PRRC2B: variants seen among roughly 807,000 people sequenced by gnomAD.
PRRC2B encodes protein PRRC2B.
In PRRC2B, 68 loss-of-function variants were observed where a neutral mutation model predicts 242.3. The observed-to-expected ratio is 0.28, with a 90% CI of 0.23 to 0.34. PRRC2B has a LOEUF of 0.34. PRRC2B is among the 10% of genes least tolerant of loss of function. PRRC2B has a pLI of 1.00. For missense variants in PRRC2B, 2,835 were observed against 2,954.8 expected (o/e 0.96, Z 0.94); for synonymous variants, 1,228 against 1,173.6 (o/e 1.05, Z -0.95).
At chr9:131,406,213 G>C (rs998452993) in intron 1 of PRRC2B, among the ~76,000 whole-genome samples, 6 of 152,152 alleles carry the variant, frequency 3.9e-5, no homozygotes, top group Admixed American at 3.3e-4. Context: ...ATTTGGACCC[G>C]TAGCGCATTG....
chr9:131,491,376 T>C (rs1163206112), intron 28 of PRRC2B, 49 bp from the exon 29 acceptor site: 5 of 1,516,648 alleles, frequency 3.3e-6, no homozygotes, highest in Non-Finnish European at 4.4e-6. Context: ...GCGTTTGGGG[T>C]TTCTCCATAG....
rs747921963 is a variant in PRRC2B at position 131,482,381 on chromosome 9, A to T, written c.4994A>T (p.Lys1665Met). 4 of 1,583,084 alleles carry T rather than the reference A, an allele frequency of 2.5e-6. No individual in the cohort carries two copies. In the Admixed American group the frequency reaches 7.0e-5, roughly 28 times the overall value. ...TETGSAEQGF[K>M]SSQGDSGVDL... ...TTGTGCTCTGCACAGCAGGGTTTTAAGAGCAGCCAGGGAGATAGTGGCGTT... is the reference window on the plus strand; with the variant it reads ...TTGTGCTCTGCACAGCAGGGTTTTATGAGCAGCCAGGGAGATAGTGGCGTT... Residue 1665 changes from lysine (K) to methionine (M), a missense_variant, in exon 21 of 32, where the codon AAG (lysine) becomes ATG (methionine). Physicochemically the swap from Lys to Met is moderately conservative, Grantham distance 95. Coordinates refer to ENST00000683519, the MANE Select transcript of PRRC2B (RefSeq NM_013318.4). The surrounding 1 kb of genome is among the most constrained non-coding windows in gnomAD (Gnocchi z 5.2).
chr9:131,429,875 G>A (rs868235312), intron 1 of PRRC2B, among the ~76,000 whole-genome samples: 2 of 152,004 alleles, frequency 1.3e-5, no homozygotes, highest in African/African-American at 2.4e-5. Flanking sequence ...TCCACAGATC[G>A]CCTCGGGGTG....
At chr9:131,400,185 A>G (rs1837190618) in intron 1 of PRRC2B, among the ~76,000 whole-genome samples, 1 of 152,102 alleles carries the variant, frequency 6.6e-6, no homozygotes, top group Non-Finnish European at 1.5e-5. Flanking sequence ...CTGGGCTCAA[A>G]TGATCCTTCT....
At chr9:131,433,876 AT>A (rs1248884624) in intron 3 of PRRC2B, among the ~76,000 whole-genome samples, 1 of 152,244 alleles carries the variant, frequency 6.6e-6, no homozygotes, top group Non-Finnish European at 1.5e-5. Flanking sequence ...CTAGATGATT[AT>A]AAAGTAGTAA....
intron 1 of PRRC2B, among the ~76,000 whole-genome samples, chr9:131,382,642 CT>C (rs112213593): frequency 0.017 from 2,505 of 144,242 alleles, 59 homozygotes; most frequent in African/African-American, 0.051. Context: ...GCCCCCATTC[CT>C]TTTTTTTTTT....
intron 10 of PRRC2B, among the ~76,000 whole-genome samples, chr9:131,455,964 T>C (rs754727206): frequency 6.6e-6 from 1 of 151,664 alleles, no homozygotes; most frequent in Non-Finnish European, 1.5e-5. Flanking sequence ...AGTACAAAAA[T>C]TAACCAGGTG....
chr9:131,375,255 C>T (rs1043754487), intron 1 of PRRC2B, among the ~76,000 whole-genome samples: 2 of 151,944 alleles, frequency 1.3e-5, no homozygotes, highest in Non-Finnish European at 2.9e-5. Context: ...AAAAATTAGC[C>T]GGGCATGGTG....
Position 131,491,903 on chromosome 9 carries a change from C to T in PRRC2B, c.6382-266C>T, listed in dbSNP as rs572795020. Reference sequence around the variant, plus strand: ...TGGTTCTTGCTTCTAAGAAGAAGCCCTCTTGAGTCTGGCTTAGAGGGAAAG... The same window carrying T: ...TGGTTCTTGCTTCTAAGAAGAAGCCTTCTTGAGTCTGGCTTAGAGGGAAAG... On this transcript the variant is annotated intron_variant, in intron 29 of 31. Transcript: ENST00000683519. Among the ~76,000 whole-genome samples the T allele has an allele frequency of 5.0e-4, 76 of 152,148 alleles. 1 individual carries two copies. Among genetic ancestry groups the T allele is most frequent in the South Asian group, 1.9e-3 (9 of 4,824 alleles).
intron 30 of PRRC2B, among the ~76,000 whole-genome samples, chr9:131,493,869 CTT>C (rs111931413): frequency 1.7e-4 from 26 of 150,060 alleles, no homozygotes; most frequent in African/African-American, 7.4e-5. Context: ...TGACCGCAGA[CTT>C]TTTTTTTTTC....
Position 131,470,899 on chromosome 9 carries a change from A to G in PRRC2B, c.2023A>G (p.Met675Val), listed in dbSNP as rs760150084. The change falls in exon 14 of 32, where the codon ATG becomes GTG. Residue 675 changes from methionine (M) to valine (V), a missense_variant. Met to Val is a conservative substitution (Grantham distance 21). Coordinates refer to ENST00000683519, the MANE Select transcript of PRRC2B (RefSeq NM_013318.4). ...GATGTTGGGCTTCGATCCCAGGTGG[A>G]TGATGATGCCTTCCTACATGGACCC... The part of the protein sequence containing the change: ...PQMLGFDPRW[M>V]MMPSYMDPRI... 1.3e-6 allele frequency: 2 copies of G among 1,588,742 alleles called. No individual in the cohort carries two copies. Among genetic ancestry groups the G allele is most frequent in the South Asian group, 2.2e-5 (2 of 90,604 alleles).
At chr9:131,396,732 C>T (rs985362974) in intron 1 of PRRC2B, among the ~76,000 whole-genome samples, 2 of 152,044 alleles carry the variant, frequency 1.3e-5, no homozygotes, top group Admixed American at 6.6e-5. Context: ...GTGACTATCA[C>T]CCATCTACCT....
At chr9:131,462,721 C>G (rs531765676) in intron 11 of PRRC2B, among the ~76,000 whole-genome samples, 2 of 150,360 alleles carry the variant, frequency 1.3e-5, no homozygotes, top group African/African-American at 2.4e-5. Context: ...GCCGGTATTC[C>G]CAGCTACTCA....
In PRRC2B at chr9:131,487,346, GC is replaced by G. The variant is rs1944054448; in HGVS notation, c.5984+55del. 1.3e-6 allele frequency: 2 copies of G among 1,498,810 alleles called. No individual in the cohort carries two copies. Among genetic ancestry groups the G allele is most frequent in the Admixed American group, 4.2e-5 (2 of 47,688 alleles). The allele number at this position is 1,498,810 out of a possible 1,614,324, so 92.8% of individuals were successfully genotyped here. A position where few individuals can be genotyped will look rare whatever the true frequency, so the allele number is the denominator to read the frequency against. ...CTGGCAGCTCACAGCCAGGGCCTTG[GC>G]CCTGTGTGCAGCCTTCGTCCTGCAG... is the stretch of plus-strand genomic sequence containing the variant. On this transcript the variant is annotated intron_variant, in intron 27 of 31. Coordinates refer to ENST00000683519, the MANE Select transcript of PRRC2B (RefSeq NM_013318.4). This position sits in a 1 kb window ranked among gnomAD's most constrained non-coding sequence, Gnocchi z 5.3.
Position 131,478,479 on chromosome 9 carries a change from A to G in PRRC2B, c.4618A>G (p.Ile1540Val). 1 of 1,613,552 alleles carries G rather than the reference A, an allele frequency of 6.2e-7. No individual in the cohort carries two copies. Among genetic ancestry groups the G allele is most frequent in the Non-Finnish European group, 8.5e-7 (1 of 1,179,556 alleles). Residue 1540 changes from isoleucine to valine, a missense_variant, in exon 18 of 32, where the codon ATC (isoleucine) becomes GTC (valine). Coordinates refer to ENST00000683519, the MANE Select transcript of PRRC2B (RefSeq NM_013318.4). ...CTCGTGAAATCTTGGTTCAGGTGCC[A>G]TCATTGAAAATTGCGGGTCCAGCCC... ...KQFDLNYGSAIIENCGSSPGE... is the reference protein window; with the variant it reads ...KQFDLNYGSAVIENCGSSPGE...
At chr9:131,440,275 C>A (rs1838520765) in intron 5 of PRRC2B, among the ~76,000 whole-genome samples, 1 of 152,042 alleles carries the variant, frequency 6.6e-6, no homozygotes, top group African/African-American at 2.4e-5. Context: ...TTTGGCTTTC[C>A]ATATCTTATA....
At chr9:131,434,686 T>C (rs1838285153) in intron 3 of PRRC2B, among the ~76,000 whole-genome samples, 1 of 152,208 alleles carries the variant, frequency 6.6e-6, no homozygotes. Context: ...TGTATAGAGT[T>C]TGGCTTCCAT....
intron 1 of PRRC2B, among the ~76,000 whole-genome samples, chr9:131,407,121 G>T (rs1163959466): frequency 2.6e-5 from 4 of 152,202 alleles, no homozygotes; most frequent in Non-Finnish European, 5.9e-5. Flanking sequence ...CACCCTGGAT[G>T]AATCATAATG....
chr9:131,383,966 T>G (rs1403919614), intron 1 of PRRC2B, among the ~76,000 whole-genome samples: 1 of 151,954 alleles, frequency 6.6e-6, no homozygotes, highest in Non-Finnish European at 1.5e-5. Flanking sequence ...TCACCCAGGT[T>G]GGAGTCCAGT....
Sources: allele counts gnomAD v4.1 joint callset (sites outside exome capture counted in the v4.1 genomes callset), GRCh38; gene constraint gnomAD v4.1.1; non-coding constraint Gnocchi (gnomAD v3.1); transcripts MANE v1.5; gene names NCBI Gene and HGNC (gene_info 2026-07-23, HGNC 2026-07-21).